The following NRXN1 variants were observed in gnomAD, a reference collection of about 807,000 sequenced individuals.
The protein encoded by NRXN1 is neurexin-1.
In NRXN1, 39 loss-of-function variants were observed where a neutral mutation model predicts 150.9. That is an observed-to-expected ratio of 0.26 (90% confidence interval 0.20 to 0.34). The LOEUF (loss-of-function observed/expected upper bound fraction) is 0.34, where lower values mean the gene tolerates loss of function less well. Ranked by LOEUF, NRXN1 falls within the 10% of genes least tolerant of loss-of-function variation. The pLI is 1.00. For missense variants in NRXN1, 1,815 were observed against 1,949.9 expected (o/e 0.93, Z 1.30); for synonymous variants, 924 against 757.0 (o/e 1.22, Z -3.62).
At chr2:50,856,928 T>C (rs1381055530) in intron 5 of NRXN1, among the ~76,000 whole-genome samples, 1 of 152,076 alleles carries the variant, frequency 6.6e-6, no homozygotes, top group Non-Finnish European at 1.5e-5. Flanking sequence ...CCTATCCTAT[T>C]CTCACAGTAA....
At chr2:50,735,447 C>T (rs1399246667) in intron 5 of NRXN1, among the ~76,000 whole-genome samples, 1 of 152,104 alleles carries the variant, frequency 6.6e-6, no homozygotes, top group Non-Finnish European at 1.5e-5. Flanking sequence ...ACACAATTTA[C>T]AGTCCTAGAG....
At chr2:50,093,115 T>TA (rs5831082) in intron 18 of NRXN1, among the ~76,000 whole-genome samples, 4 of 151,676 alleles carry the variant, frequency 2.6e-5, no homozygotes, top group African/African-American at 9.7e-5. Context: ...AGGTCTGAGC[T>TA]AAAAAAAAAT....
At chr2:50,644,046 G>A (rs1177816794) in intron 5 of NRXN1, among the ~76,000 whole-genome samples, 1 of 151,172 alleles carries the variant, frequency 6.6e-6, no homozygotes, top group Non-Finnish European at 1.5e-5. Flanking sequence ...TTTTGGTTGT[G>A]CTTTGTACCC....
intron 18 of NRXN1, among the ~76,000 whole-genome samples, chr2:50,105,894 A>G (rs1701575455): frequency 1.3e-5 from 2 of 151,862 alleles, no homozygotes; most frequent in Admixed American, 1.3e-4. Context: ...AACCACCATT[A>G]ACTATTCCTT....
intron 8 of NRXN1, among the ~76,000 whole-genome samples, chr2:50,617,518 C>G (rs990231073): frequency 7.2e-5 from 11 of 151,804 alleles, no homozygotes; most frequent in African/African-American, 2.4e-4. Context: ...TCCAGTGCAT[C>G]AGAAGAAGTA....
chr2:50,349,497 G>C (rs866281233), intron 17 of NRXN1, among the ~76,000 whole-genome samples: 21 of 152,210 alleles, frequency 1.4e-4, no homozygotes, highest in Middle Eastern at 6.8e-3. Context: ...TTCTGAATTT[G>C]ACATTTCATA....
Position 49,931,135 on chromosome 2 carries a change from T to C in NRXN1, c.4217-8884A>G, listed in dbSNP as rs573703048. On this transcript the variant is annotated intron_variant, in intron 22 of 22. Coordinates refer to ENST00000401669, the MANE Select transcript of NRXN1 (RefSeq NM_001330078.2). ...AGACAGAGCAAGAAAGTGAGAGACC[T>C]TTGATTTTAAAGTTTTGAGTAAAGG... Among the ~76,000 whole-genome samples the C allele has an allele frequency of 2.2e-4, 34 of 152,208 alleles. 1 individual carries two copies. The South Asian group carries it at 6.8e-3, about 31-fold the overall frequency.
At chr2:50,296,717 C>T (rs2073617526) in intron 17 of NRXN1, among the ~76,000 whole-genome samples, 2 of 151,876 alleles carry the variant, frequency 1.3e-5, no homozygotes, top group African/African-American at 4.8e-5. Context: ...ATTCTCCCAC[C>T]TCAGACTCTG....
At chr2:50,249,069 A>T (rs770445356) in intron 17 of NRXN1, among the ~76,000 whole-genome samples, 1 of 149,506 alleles carries the variant, frequency 6.7e-6, no homozygotes, top group East Asian at 2.0e-4. Flanking sequence ...AAGTTGGAGG[A>T]TCACTTGAGC....
At chr2:50,996,996 AT>A (rs1309454452) in intron 2 of NRXN1, among the ~76,000 whole-genome samples, 2 of 151,986 alleles carry the variant, frequency 1.3e-5, no homozygotes, top group Non-Finnish European at 2.9e-5. Context: ...ATATGAGTCA[AT>A]GACAATTTTT....
intron 17 of NRXN1, among the ~76,000 whole-genome samples, chr2:50,302,098 A>G (rs2074205389): frequency 1.7e-5 from 2 of 117,506 alleles, no homozygotes; most frequent in African/African-American, 3.0e-5. Context: ...GGCAATGAAG[A>G]TATGTAGGAA....
chr2:50,216,093 T>C (rs1477848217), intron 18 of NRXN1, among the ~76,000 whole-genome samples: 2 of 152,012 alleles, frequency 1.3e-5, no homozygotes, highest in South Asian at 2.1e-4. Context: ...CAGTGGCTCA[T>C]GTCTGTAATC....
intron 18 of NRXN1, among the ~76,000 whole-genome samples, chr2:50,220,786 T>C (rs2063823968): frequency 6.6e-6 from 1 of 151,998 alleles, no homozygotes. Flanking sequence ...GGAAAATAGC[T>C]CATGGAAAGC....
chr2:50,320,380 T>C (rs2152973623), intron 17 of NRXN1, among the ~76,000 whole-genome samples: 1 of 143,008 alleles, frequency 7.0e-6, no homozygotes, highest in Non-Finnish European at 1.5e-5. Context: ...TTTGTTTGAT[T>C]AAGAAATAAA....
At chr2:50,941,394 G>A (rs1408827415) in intron 2 of NRXN1, among the ~76,000 whole-genome samples, 1 of 152,192 alleles carries the variant, frequency 6.6e-6, no homozygotes, top group Non-Finnish European at 1.5e-5. Flanking sequence ...AGACTCAGAA[G>A]AAGACAGGAA....
At chr2:50,806,879 T>C (rs1667579448) in intron 5 of NRXN1, among the ~76,000 whole-genome samples, 2 of 152,196 alleles carry the variant, frequency 1.3e-5, no homozygotes, top group Non-Finnish European at 1.5e-5. Context: ...AGCATTATTC[T>C]GGTTGTTAGC....
At chr2:50,502,222 AGAAGGAAG>A (rs75040358) in intron 13 of NRXN1, among the ~76,000 whole-genome samples, 53 of 151,210 alleles carry the variant, frequency 3.5e-4, no homozygotes, top group Admixed American at 8.5e-4. Context: ...AAGAAAGGAA[AGAAGGAAG>A]GAAGGAAGGA....
intron 5 of NRXN1, among the ~76,000 whole-genome samples, chr2:50,877,824 C>T (rs1301232897): frequency 6.6e-6 from 1 of 151,894 alleles, no homozygotes; most frequent in African/African-American, 2.4e-5. Context: ...AAGCCATGCT[C>T]TGTGGGAAGA....
intron 5 of NRXN1, among the ~76,000 whole-genome samples, chr2:50,626,181 T>A (rs777329337): frequency 6.6e-6 from 1 of 151,806 alleles, no homozygotes; most frequent in Non-Finnish European, 1.5e-5. Context: ...GAATTTAGAG[T>A]TCTGTGTACT....
Sources: allele counts gnomAD v4.1 joint callset (sites outside exome capture counted in the v4.1 genomes callset), GRCh38; gene constraint gnomAD v4.1.1; transcripts MANE v1.5; gene names NCBI Gene and HGNC (gene_info 2026-07-23, HGNC 2026-07-21).